BCAS3: variants seen among roughly 807,000 people sequenced by gnomAD.
The protein encoded by BCAS3 is BCAS4/BCAS3 fusion.
A neutral mutation model predicts 116.1 loss-of-function variants in BCAS3; 53 were observed. The observed-to-expected ratio is 0.46, with a 90% CI of 0.37 to 0.57. BCAS3 has a LOEUF of 0.57. Among genes scored for constraint, BCAS3 ranks in the 20% least tolerant of loss-of-function variants. The pLI is 0.00. For synonymous variants in BCAS3, 391 were observed against 408.2 expected, an observed-to-expected ratio of 0.96 and a Z score of 0.51; for missense variants, 917 against 1,165.4, an observed-to-expected ratio of 0.79 and a Z score of 3.10.
chr17:61,327,973 C>A lies in BCAS3; in HGVS notation c.2426-40354C>A, dbSNP rs1032437181. Among the ~76,000 whole-genome samples, 3 of 152,054 alleles carry A rather than the reference C, an allele frequency of 2.0e-5. No individual in the cohort carries two copies. The highest frequency in any genetic ancestry group is 6.5e-5 in the Admixed American group (1 of 15,270). The stretch of plus-strand genomic sequence containing the variant: ...AACCATTATACATTAATAGTTTATT[C>A]TTTTTCACCCAGCAATTTATTTTCT... On this transcript the variant is annotated intron_variant, in intron 22 of 23. Coordinates refer to ENST00000407086, the MANE Select transcript of BCAS3 (RefSeq NM_017679.5). The surrounding 1 kb of genome is among the most constrained non-coding windows in gnomAD (Gnocchi z 5.9).
chr17:61,218,881 C>T (rs751644986), intron 22 of BCAS3, among the ~76,000 whole-genome samples: 1 of 152,114 alleles, frequency 6.6e-6, no homozygotes, highest in Non-Finnish European at 1.5e-5. Flanking sequence ...TTATTTATCA[C>T]CCTACATTAA....
chr17:61,194,521 C>G (rs1244367475), intron 22 of BCAS3, among the ~76,000 whole-genome samples: 1 of 151,928 alleles, frequency 6.6e-6, no homozygotes, highest in Non-Finnish European at 1.5e-5. Flanking sequence ...GGTGGATCAC[C>G]TGAGGTCGGG....
rs545110218 is a variant in BCAS3 at position 61,368,801 on chromosome 17, C to A, written c.2593+307C>A. Reference sequence around the variant, plus strand: ...GGGGTGTCCCCACGTCTTCCAGCAGCGCTCAGGCACTGAGTCCTCAGGTTG... The same window carrying A: ...GGGGTGTCCCCACGTCTTCCAGCAGAGCTCAGGCACTGAGTCCTCAGGTTG... On this transcript the variant is annotated intron_variant, in intron 23 of 23. Coordinates refer to ENST00000407086, the MANE Select transcript of BCAS3 (RefSeq NM_017679.5). This position sits in a 1 kb window ranked among gnomAD's most constrained non-coding sequence, Gnocchi z 6.0. Among the ~76,000 whole-genome samples, 1 of 152,204 alleles carries A rather than the reference C, an allele frequency of 6.6e-6. No individual in the cohort carries two copies. The highest frequency in any genetic ancestry group is 1.5e-5 in the Non-Finnish European group (1 of 68,042).
intron 14 of BCAS3, among the ~76,000 whole-genome samples, chr17:60,988,347 T>TC (rs1004305049): frequency 7.0e-6 from 1 of 143,730 alleles, no homozygotes; most frequent in Non-Finnish European, 1.5e-5. Flanking sequence ...TCTTTTTTTT[T>TC]TTTTTTTTTT....
At chr17:61,306,358 C>T (rs1371375651) in intron 22 of BCAS3, among the ~76,000 whole-genome samples, 1 of 152,200 alleles carries the variant, frequency 6.6e-6, no homozygotes, top group African/African-American at 2.4e-5. Flanking sequence ...ATTACCTAGA[C>T]TGCAGGCTTA....
intron 7 of BCAS3, among the ~76,000 whole-genome samples, chr17:60,818,520 C>G (rs2049640315): frequency 6.6e-6 from 1 of 152,152 alleles, no homozygotes; most frequent in Non-Finnish European, 1.5e-5. Context: ...TGAAAAATCC[C>G]AGAGCCCTTA....
chr17:60,877,864 A>T (rs1475512923), intron 9 of BCAS3, among the ~76,000 whole-genome samples: 1 of 152,170 alleles, frequency 6.6e-6, no homozygotes, highest in Non-Finnish European at 1.5e-5. Flanking sequence ...TTTAGTGTGG[A>T]TTTCATAAAA....
At position 61,196,676 on chromosome 17, in the gene BCAS3, C is replaced by T. The variant is rs1043641569; in HGVS notation, c.2425+112112C>T. Among the ~76,000 whole-genome samples the T allele has an allele frequency of 1.4e-4, 22 of 152,218 alleles. No homozygotes were observed. The highest frequency in any genetic ancestry group is 4.8e-4 in the African/African-American group (20 of 41,458). On this transcript the variant is annotated intron_variant, in intron 22 of 23. Transcript: ENST00000407086. This position sits in a 1 kb window ranked among gnomAD's most constrained non-coding sequence, Gnocchi z 4.7. ...AGGGAAAAGGAAGAAAGCCTACAAG[C>T]ATGACTGCTCTGCTTTTCACCTAAC...
chr17:60,791,084 G>T (rs1176018884), intron 6 of BCAS3, among the ~76,000 whole-genome samples: 1 of 151,992 alleles, frequency 6.6e-6, no homozygotes, highest in African/African-American at 2.4e-5. Context: ...TTGCTATATT[G>T]CCCAGGCTGG....
intron 19 of BCAS3, among the ~76,000 whole-genome samples, chr17:61,050,988 A>G (rs1216563418): frequency 6.6e-6 from 1 of 152,086 alleles, no homozygotes; most frequent in Non-Finnish European, 1.5e-5. Flanking sequence ...TGGAAAGTGC[A>G]CAAATATTTG....
At chr17:61,108,511 T>G (rs2074823594) in intron 22 of BCAS3, among the ~76,000 whole-genome samples, 1 of 152,108 alleles carries the variant, frequency 6.6e-6, no homozygotes, top group Non-Finnish European at 1.5e-5. Flanking sequence ...TGTTTTTTTG[T>G]TTGTTTAGGC....
At chr17:61,212,774 C>T (rs2081539847) in intron 22 of BCAS3, among the ~76,000 whole-genome samples, 1 of 152,134 alleles carries the variant, frequency 6.6e-6, no homozygotes, top group Admixed American at 6.5e-5. Flanking sequence ...CTCAGCTTCT[C>T]TTTGGAATCA....
rs2065691435 is a variant in BCAS3, at chr17:61,019,040, T to C, written c.1637+3139T>C. The stretch of plus-strand genomic sequence containing the variant: ...GATAGTGGTCAGTCATACTTGACTG[T>C]TGCTAGATGACAAGACTCAATATCT... On this transcript the variant is annotated intron_variant, in intron 16 of 23. Transcript: ENST00000407086. The surrounding 1 kb of genome is among the most constrained non-coding windows in gnomAD (Gnocchi z 5.6). Among the ~76,000 whole-genome samples the C allele has an allele frequency of 5.9e-5, 9 of 152,284 alleles. No homozygotes were observed. The South Asian group carries it at 1.9e-3, about 32-fold the overall frequency.
intron 22 of BCAS3, among the ~76,000 whole-genome samples, chr17:61,266,241 G>A (rs1218261030): frequency 1.3e-5 from 2 of 152,166 alleles, no homozygotes; most frequent in African/African-American, 4.8e-5. Flanking sequence ...GTACTTGGGA[G>A]TTTAGAGTAA....
At position 61,162,623 on chromosome 17, in the gene BCAS3, C is replaced by T. The variant is rs2078232530; in HGVS notation, c.2425+78059C>T. On this transcript the variant is annotated intron_variant, in intron 22 of 23. Transcript: ENST00000407086. This position sits in a 1 kb window ranked among gnomAD's most constrained non-coding sequence, Gnocchi z 5.6. ...CTCTGCATTTATTTTAGCAGACTTC[C>T]CCAATAACATTTTGCAGTTTTCAGC... 6.6e-6 allele frequency among the ~76,000 whole-genome samples: 1 copy of T among 152,082 alleles called. No homozygotes were observed. The highest frequency in any genetic ancestry group is 6.5e-5 in the Admixed American group (1 of 15,268).
rs1417539599 is a variant in BCAS3, at chr17:61,352,371, T to A, written c.2426-15956T>A. 2.6e-5 allele frequency among the ~76,000 whole-genome samples: 4 copies of A among 152,220 alleles called. No homozygotes were observed. The highest frequency in any genetic ancestry group is 5.9e-5 in the Non-Finnish European group (4 of 68,030). On this transcript the variant is annotated intron_variant, in intron 22 of 23. Transcript: ENST00000407086. The surrounding 1 kb of genome is among the most constrained non-coding windows in gnomAD (Gnocchi z 4.7). ...ACACACCCTGGGCTGACTATAAATC[T>A]GCTCCTTGCCTGAGTATAGCAGAAA...
At chr17:61,301,852 G>C (rs146283874) in intron 22 of BCAS3, among the ~76,000 whole-genome samples, 250 of 152,166 alleles carry the variant, frequency 1.6e-3, no homozygotes, top group Admixed American at 2.8e-3. Context: ...CACCAAATGG[G>C]ATTACAGTTA....
rs2048755035 is a variant in BCAS3 at position 61,256,060 on chromosome 17, A to C, written c.2426-112267A>C. ...ATTTTCTGATTTTTTTTAACCTTTC[A>C]GTTAATAAATGTTTTCCAGCCTCCA... On this transcript the variant is annotated intron_variant, in intron 22 of 23. Transcript: ENST00000407086. This position sits in a 1 kb window ranked among gnomAD's most constrained non-coding sequence, Gnocchi z 5.6. Among the ~76,000 whole-genome samples, 1 of 152,092 alleles carries C rather than the reference A, an allele frequency of 6.6e-6. No homozygotes were observed. The highest frequency in any genetic ancestry group is 2.1e-4 in the South Asian group (1 of 4,834).
chr17:60,929,428 G>A (rs1599754515), intron 13 of BCAS3, among the ~76,000 whole-genome samples: 3 of 151,800 alleles, frequency 2.0e-5, no homozygotes, highest in South Asian at 4.2e-4. Context: ...AGCCTGTCTG[G>A]AAAAAAAATT....
Sources: allele counts gnomAD v4.1 joint callset (sites outside exome capture counted in the v4.1 genomes callset), GRCh38; gene constraint gnomAD v4.1.1; non-coding constraint Gnocchi (gnomAD v3.1); transcripts MANE v1.5; gene names NCBI Gene and HGNC (gene_info 2026-07-23, HGNC 2026-07-21).